Variants in AIDA observed in about 807,000 individuals in gnomAD.
AIDA encodes axin interactor, dorsalization-associated protein.
A neutral mutation model predicts 42.7 loss-of-function variants in AIDA; 18 were observed. The ratio of observed to expected loss-of-function variants is 0.42; its 90% confidence interval spans 0.29 to 0.63. AIDA has a LOEUF of 0.63. AIDA is among the 20% of genes least tolerant of loss of function. The probability of loss-of-function intolerance (pLI) is 0.19; values close to 1 mark genes in which losing one functional copy is unlikely to be tolerated. For synonymous variants in AIDA, 104 were observed against 122.9 expected (o/e 0.85, Z 1.02); for missense variants, 250 against 354.1 (o/e 0.71, Z 2.36).
intron 6 of AIDA, among the ~76,000 whole-genome samples, chr1:222,678,599 AG>A (rs1487891946): frequency 6.6e-6 from 1 of 152,158 alleles, no homozygotes; most frequent in East Asian, 1.9e-4. Flanking sequence ...TGTAATATGG[AG>A]GCAGTGATTC....
chr1:222,673,174 A>C, intron 8 of AIDA, 139 bp downstream of exon 8: 1 of 709,558 alleles, frequency 1.4e-6, no homozygotes, highest in Non-Finnish European at 2.1e-6. Flanking sequence ...AAAAATATGT[A>C]TATTTATTCA....
At chr1:222,684,241 A>C (rs1664702372) in intron 6 of AIDA, among the ~76,000 whole-genome samples, 1 of 151,972 alleles carries the variant, frequency 6.6e-6, no homozygotes. Context: ...CTTCCCAAGT[A>C]GCTGAGATTA....
At chr1:222,695,103 C>G (rs1287115473) in intron 2 of AIDA, among the ~76,000 whole-genome samples, 2 of 152,164 alleles carry the variant, frequency 1.3e-5, no homozygotes, top group Non-Finnish European at 2.9e-5. Context: ...CTTCAATAAC[C>G]AGCTGAGGAA....
chr1:222,675,976 C>T (rs1317587622), intron 7 of AIDA, 120 bp downstream of exon 7: 1 of 1,168,042 alleles, frequency 8.6e-7, no homozygotes, highest in Non-Finnish European at 1.2e-6. Context: ...ATAGAATGAA[C>T]TAAAATGAGT....
chr1:222,703,270 C>A (rs999795816), intron 1 of AIDA, 53 bp from the exon 2 acceptor site: 8 of 1,321,104 alleles, frequency 6.1e-6, no homozygotes, highest in Non-Finnish European at 8.5e-6. Context: ...ACTACTGCAA[C>A]AAAGTGTAAC....
chr1:222,712,150 C>T lies in AIDA; in HGVS notation c.110+58G>A. ...CGGTGATGAGAGACACCGACAGAAA[C>T]AAGGGAGAGGCGCACGACTGGAGCC... On this transcript the variant is annotated intron_variant, in intron 1 of 9. Coordinates refer to ENST00000340020, the MANE Select transcript of AIDA (RefSeq NM_022831.4). The T allele has an allele frequency of 1.9e-6, 3 of 1,551,122 alleles. No homozygotes were observed. The South Asian group carries it at 3.6e-5, about 18-fold the overall frequency.
intron 1 of AIDA, among the ~76,000 whole-genome samples, chr1:222,703,822 T>C (rs1655774026): frequency 6.6e-6 from 1 of 152,190 alleles, no homozygotes; most frequent in South Asian, 2.1e-4. Flanking sequence ...GAGTTTTTAG[T>C]GGATGGATCT....
intron 1 of AIDA, among the ~76,000 whole-genome samples, chr1:222,705,777 T>C (rs1220298449): frequency 6.6e-6 from 1 of 151,704 alleles, no homozygotes; most frequent in African/African-American, 2.4e-5. Flanking sequence ...CCAGCTACTG[T>C]GGAGGCTGAG....
At chr1:222,676,678 C>G (rs754931059) in intron 6 of AIDA, among the ~76,000 whole-genome samples, 1 of 151,428 alleles carries the variant, frequency 6.6e-6, no homozygotes, top group Non-Finnish European at 1.5e-5. Flanking sequence ...TTTTTTGACA[C>G]AGTGTCTCAC....
intron 4 of AIDA, among the ~76,000 whole-genome samples, chr1:222,689,481 G>GTGTGTGTATATA (rs1253190601): frequency 2.8e-5 from 1 of 35,328 alleles, no homozygotes; most frequent in Admixed American, 5.3e-4. Context: ...GTGTGTGTGT[G>GTGTGTGTATATA]TATATATATA....
At chr1:222,684,983 G>C (rs927744272) in intron 6 of AIDA, among the ~76,000 whole-genome samples, 3 of 152,162 alleles carry the variant, frequency 2.0e-5, no homozygotes, top group Admixed American at 2.0e-4. Context: ...TATCGAGTCA[G>C]TGAAACAGCA....
chr1:222,679,895 T>C (rs1486038464), intron 6 of AIDA, among the ~76,000 whole-genome samples: 1 of 152,194 alleles, frequency 6.6e-6, no homozygotes, highest in African/African-American at 2.4e-5. Context: ...GGATGCATTA[T>C]TTCTGCCTCA....
intron 7 of AIDA, among the ~76,000 whole-genome samples, chr1:222,675,408 C>T (rs1474025423): frequency 3.9e-5 from 6 of 152,124 alleles, no homozygotes; most frequent in Admixed American, 3.9e-4. Context: ...CTTTGAAAGA[C>T]TGAAAATGTT....
intron 1 of AIDA, among the ~76,000 whole-genome samples, chr1:222,708,009 A>G (rs992618524): frequency 2.0e-5 from 3 of 152,184 alleles, no homozygotes; most frequent in African/African-American, 7.2e-5. Flanking sequence ...CATAAAGCAC[A>G]GCAAAAATGA....
chr1:222,676,653 C>G (rs1664548260), intron 6 of AIDA, among the ~76,000 whole-genome samples: 1 of 151,866 alleles, frequency 6.6e-6, no homozygotes, highest in Non-Finnish European at 1.5e-5. Flanking sequence ...AGTTGATCAA[C>G]AAATGCTTTA....
chr1:222,702,412 T>A (rs1332936048), intron 2 of AIDA, among the ~76,000 whole-genome samples: 1 of 152,158 alleles, frequency 6.6e-6, no homozygotes, highest in African/African-American at 2.4e-5. Context: ...AAACATTGAC[T>A]TAACACTAGA....
At position 222,705,882 on chromosome 1, in the gene AIDA, C is replaced by A. The variant is rs191862957; in HGVS notation, c.111-2665G>T. Reference sequence around the variant, plus strand: ...CTGAGTAACAAGACCAAAACTCCATCAAAAAAAAATGCACAAAAGAATCAG... The same window carrying A: ...CTGAGTAACAAGACCAAAACTCCATAAAAAAAAAATGCACAAAAGAATCAG... On this transcript the variant is annotated intron_variant, in intron 1 of 9. Coordinates refer to ENST00000340020, the MANE Select transcript of AIDA (RefSeq NM_022831.4). Among the ~76,000 whole-genome samples the A allele has an allele frequency of 2.8e-3, 419 of 148,784 alleles. 1 individual carries two copies. The highest frequency in any genetic ancestry group is 3.5e-3 in the Non-Finnish European group (233 of 67,050).
intron 1 of AIDA, among the ~76,000 whole-genome samples, chr1:222,709,642 C>T (rs1655940307): frequency 6.6e-6 from 1 of 151,752 alleles, no homozygotes; most frequent in East Asian, 1.9e-4. Context: ...AAGGAGGTGA[C>T]AAAGTGACCC....
chr1:222,700,553 C>T (rs1655661876), intron 2 of AIDA, among the ~76,000 whole-genome samples: 1 of 152,014 alleles, frequency 6.6e-6, no homozygotes, highest in South Asian at 2.1e-4. Context: ...GTCAGGAGAT[C>T]GAGACTATCC....
Sources: gnomAD v4.1 joint callset for allele counts (sites outside exome capture counted in the v4.1 genomes callset) on GRCh38, gnomAD v4.1.1 for gene constraint, MANE v1.5 for transcripts, NCBI Gene and HGNC (gene_info 2026-07-23, HGNC 2026-07-21) for gene names.